The following FHIT variants were observed in gnomAD, a reference collection of about 807,000 sequenced individuals.
The protein encoded by FHIT is bis(5'-adenosyl)-triphosphatase.
A neutral mutation model predicts 17.9 loss-of-function variants in FHIT; 19 were observed. The ratio of observed to expected loss-of-function variants is 1.06; its 90% CI spans 0.74 to 1.56. The LOEUF is 1.56. Among genes scored for constraint, FHIT ranks in the 40% most tolerant of loss-of-function variants. FHIT has a pLI of 0.00. For missense variants in FHIT, 248 were observed against 189.2 expected, an observed-to-expected ratio of 1.31 and a Z score of -1.82; for synonymous variants, 81 against 69.7, an observed-to-expected ratio of 1.16 and a Z score of -0.81.
chr3:60,751,303 ATACT>A (rs2042461290), intron 4 of FHIT, among the ~76,000 whole-genome samples: 1 of 152,266 alleles, frequency 6.6e-6, no homozygotes, highest in African/African-American at 2.4e-5. Context: ...TGTTCAATGG[ATACT>A]TAGAGTGAGA....
intron 4 of FHIT, among the ~76,000 whole-genome samples, chr3:60,561,914 GAGAAAGAGAGAA>G (rs1350721248): frequency 6.6e-6 from 1 of 151,450 alleles, no homozygotes; most frequent in African/African-American, 2.4e-5. Context: ...AGAAAAGAGA[GAGAAAGAGAGAA>G]AGAAAAAGAG....
intron 5 of FHIT, among the ~76,000 whole-genome samples, chr3:60,476,847 GA>G (rs1559946229): frequency 8.2e-6 from 1 of 121,608 alleles, no homozygotes; most frequent in African/African-American, 3.2e-5. Context: ...CCCGGGGAAG[GA>G]TTTTTTTTTT....
chr3:60,613,555 T>C (rs1052617816), intron 4 of FHIT, among the ~76,000 whole-genome samples: 1 of 152,174 alleles, frequency 6.6e-6, no homozygotes, highest in Non-Finnish European at 1.5e-5. Context: ...CTTATATCTT[T>C]CTTTTCTCCT....
At chr3:60,655,372 C>T (rs1023753861) in intron 4 of FHIT, among the ~76,000 whole-genome samples, 15 of 152,282 alleles carry the variant, frequency 9.9e-5, no homozygotes, top group African/African-American at 3.6e-4. Context: ...GTTACAAGCT[C>T]TTTTACTAAA....
intron 8 of FHIT, among the ~76,000 whole-genome samples, chr3:59,888,116 C>A (rs75005223): frequency 6.6e-6 from 1 of 152,056 alleles, no homozygotes; most frequent in Non-Finnish European, 1.5e-5. Flanking sequence ...CTGTTGCCAT[C>A]GGGGCACTCT....
intron 3 of FHIT, among the ~76,000 whole-genome samples, chr3:60,922,019 G>T (rs1414223705): frequency 2.6e-5 from 4 of 152,234 alleles, no homozygotes; most frequent in Non-Finnish European, 4.4e-5. Context: ...GCAGCAGGGA[G>T]ATACCTGGTA....
chr3:60,711,185 C>A (rs2041520423), intron 4 of FHIT, among the ~76,000 whole-genome samples: 1 of 152,122 alleles, frequency 6.6e-6, no homozygotes, highest in Admixed American at 6.5e-5. Flanking sequence ...GGACCTCTAG[C>A]AACTCCAACA....
chr3:59,751,221 G>C (rs985291533), intron 9 of FHIT: 1 of 108,390 alleles, frequency 9.2e-6, no homozygotes, highest in Non-Finnish European at 1.8e-5. Flanking sequence ...ATTTCAGAGA[G>C]ATAGATACAT....
At chr3:60,857,927 A>C (rs908229642) in intron 3 of FHIT, among the ~76,000 whole-genome samples, 1 of 152,194 alleles carries the variant, frequency 6.6e-6, no homozygotes, top group Non-Finnish European at 1.5e-5. Context: ...TCCATCTCTT[A>C]AAAGGAAAAA....
chr3:60,463,914 GTTTAAC>G (rs2032629800), intron 5 of FHIT, among the ~76,000 whole-genome samples: 2 of 152,166 alleles, frequency 1.3e-5, no homozygotes, highest in African/African-American at 2.4e-5. Flanking sequence ...CCACGAATCA[GTTTAAC>G]TTTAAGAAAA....
At chr3:60,762,267 A>G (rs1004616319) in intron 4 of FHIT, among the ~76,000 whole-genome samples, 5 of 152,086 alleles carry the variant, frequency 3.3e-5, no homozygotes, top group African/African-American at 7.2e-5. Flanking sequence ...CCTCCCTTGC[A>G]TCTAGGAGTC....
intron 5 of FHIT, among the ~76,000 whole-genome samples, chr3:60,093,014 C>T (rs1429333475): frequency 1.3e-5 from 2 of 152,272 alleles, no homozygotes; most frequent in Non-Finnish European, 2.9e-5. Context: ...CCATGAACTT[C>T]GACAGGAAAA....
intron 5 of FHIT, among the ~76,000 whole-genome samples, chr3:60,224,947 C>T (rs1471496861): frequency 6.6e-6 from 1 of 151,998 alleles, no homozygotes; most frequent in African/African-American, 2.4e-5. Context: ...TCTCGAACTC[C>T]TGACCTCAAG....
At position 59,747,863 on chromosome 3, in the gene FHIT, C is replaced by G. The variant is rs1700689874; in HGVS notation, c.*1722G>C. On this transcript the variant is annotated 3_prime_UTR_variant, in exon 10 of 10. Transcript: ENST00000492590. The stretch of plus-strand genomic sequence containing the variant: ...GAAGCAAGTCTAAAGCCAGCTTGCT[C>G]TGGGTTTAAGATCTGGCCTCCACTG... Among the ~76,000 whole-genome samples the G allele has an allele frequency of 6.6e-6, 1 of 152,096 alleles. No homozygotes were observed.
At chr3:60,937,610 C>T (rs2107397628) in intron 3 of FHIT, among the ~76,000 whole-genome samples, 1 of 136,050 alleles carries the variant, frequency 7.4e-6, no homozygotes, top group South Asian at 2.4e-4. Context: ...GTCACCCAGG[C>T]TGGAGTGCAA....
chr3:61,032,178 A>C (rs1050109553), intron 3 of FHIT, among the ~76,000 whole-genome samples: 2 of 152,208 alleles, frequency 1.3e-5, no homozygotes, highest in Non-Finnish European at 2.9e-5. Context: ...CTACAGGTAA[A>C]TAATATTCTG....
chr3:60,024,341 A>G (rs1175208140), intron 5 of FHIT, among the ~76,000 whole-genome samples: 1 of 152,198 alleles, frequency 6.6e-6, no homozygotes, highest in African/African-American at 2.4e-5. Flanking sequence ...TCCATGAGCT[A>G]GCAACCTAAA....
chr3:60,480,395 A>G (rs2033555460), intron 5 of FHIT, among the ~76,000 whole-genome samples: 1 of 152,182 alleles, frequency 6.6e-6, no homozygotes, highest in Admixed American at 6.5e-5. Flanking sequence ...GCACATTTCA[A>G]AAGGCAATCA....
intron 5 of FHIT, among the ~76,000 whole-genome samples, chr3:60,521,467 T>A (rs1365048535): frequency 6.6e-6 from 1 of 152,162 alleles, no homozygotes; most frequent in Non-Finnish European, 1.5e-5. Context: ...CAGGATGGTC[T>A]CGATCTGCTG....
Sources: allele counts gnomAD v4.1 joint callset (sites outside exome capture counted in the v4.1 genomes callset), GRCh38; gene constraint gnomAD v4.1.1; transcripts MANE v1.5; gene names NCBI Gene and HGNC (gene_info 2026-07-23, HGNC 2026-07-21).